The following BMPR1B variants were observed in gnomAD, a reference collection of about 807,000 sequenced individuals.
BMPR1B encodes bone morphogenetic protein receptor type 1B.
BMPR1B carries 12 observed loss-of-function variants against 59.1 expected under a neutral mutation model. That is an observed-to-expected ratio of 0.20 (90% CI 0.13 to 0.33). BMPR1B has a LOEUF of 0.33. Among genes scored for constraint, BMPR1B ranks in the 10% least tolerant of loss-of-function variants. The pLI is 1.00. For synonymous variants in BMPR1B, 237 were observed against 207.3 expected, an observed-to-expected ratio of 1.14 and a Z score of -1.23; for missense variants, 550 against 610.9, an observed-to-expected ratio of 0.90 and a Z score of 1.05.
In BMPR1B at chr4:94,823,426, G is replaced by T. The variant is rs1724273353; in HGVS notation, c.-182-52405G>T. ...GGATATGTATGAGTTATGAGAAAAG[G>T]CTGGGGGCAAAGCTGGTGTTCGGAT... On this transcript the variant is annotated intron_variant, in intron 1 of 12. Coordinates refer to ENST00000515059, the MANE Select transcript of BMPR1B (RefSeq NM_001203.3). Among the ~76,000 whole-genome samples the T allele has an allele frequency of 1.3e-5, 2 of 152,168 alleles. 1 individual carries two copies. The highest frequency in any genetic ancestry group is 2.9e-5 in the Non-Finnish European group (2 of 68,018).
At chr4:95,090,870 A>G (rs1184516504) in intron 3 of BMPR1B, among the ~76,000 whole-genome samples, 2 of 152,088 alleles carry the variant, frequency 1.3e-5, no homozygotes, top group African/African-American at 2.4e-5. Flanking sequence ...GTCAAATGAT[A>G]TGGTAGATTT....
At chr4:95,108,075 TA>T (rs1258119158) in intron 4 of BMPR1B, among the ~76,000 whole-genome samples, 3 of 152,174 alleles carry the variant, frequency 2.0e-5, no homozygotes, top group South Asian at 2.1e-4. Context: ...TAAATTATAA[TA>T]AAAAAATTCT....
intron 3 of BMPR1B, among the ~76,000 whole-genome samples, chr4:95,031,729 A>C (rs890858016): frequency 6.6e-6 from 1 of 152,152 alleles, no homozygotes; most frequent in Non-Finnish European, 1.5e-5. Context: ...GGTATCCTGG[A>C]AATCCAGGTT....
intron 2 of BMPR1B, among the ~76,000 whole-genome samples, chr4:94,978,382 C>T (rs758185620): frequency 6.6e-5 from 10 of 152,200 alleles, no homozygotes; most frequent in Admixed American, 2.6e-4. Flanking sequence ...CAGTGACAGG[C>T]TGAATCAGCT....
intron 2 of BMPR1B, among the ~76,000 whole-genome samples, chr4:94,970,017 T>A (rs1022503511): frequency 7.2e-5 from 11 of 152,238 alleles, no homozygotes; most frequent in Admixed American, 1.3e-4. Context: ...TATTTACTAT[T>A]CTTCAGAGTT....
At chr4:94,937,343 T>G (rs2149040233) in intron 2 of BMPR1B, among the ~76,000 whole-genome samples, 1 of 152,296 alleles carries the variant, frequency 6.6e-6, no homozygotes, top group Non-Finnish European at 1.5e-5. Context: ...TGAATACATC[T>G]CCATTTTGAT....
intron 2 of BMPR1B, among the ~76,000 whole-genome samples, chr4:94,940,959 T>C (rs1329504627): frequency 6.6e-6 from 1 of 152,124 alleles, no homozygotes; most frequent in Non-Finnish European, 1.5e-5. Flanking sequence ...TGAAGGACAT[T>C]CTTCTTGGTG....
intron 3 of BMPR1B, among the ~76,000 whole-genome samples, chr4:95,017,151 C>T (rs1027397462): frequency 1.3e-5 from 2 of 152,154 alleles, no homozygotes; most frequent in African/African-American, 4.8e-5. Context: ...AGAAGATGCC[C>T]AAGTGAGGAA....
At chr4:95,006,176 C>T (rs751052662) in intron 3 of BMPR1B, among the ~76,000 whole-genome samples, 17 of 151,972 alleles carry the variant, frequency 1.1e-4, no homozygotes, top group Non-Finnish European at 1.5e-4. Context: ...GAGGCTGAGG[C>T]GGGAGTATCC....
At chr4:94,798,380 G>C (rs1723275353) in intron 1 of BMPR1B, among the ~76,000 whole-genome samples, 1 of 152,220 alleles carries the variant, frequency 6.6e-6, no homozygotes, top group African/African-American at 2.4e-5. Context: ...GTGTCCCACA[G>C]CTCTCAAAGA....
chr4:94,970,314 C>T (rs1730737209), intron 2 of BMPR1B, among the ~76,000 whole-genome samples: 1 of 142,242 alleles, frequency 7.0e-6, no homozygotes, highest in Non-Finnish European at 1.5e-5. Context: ...CTTTCTCTCT[C>T]TCTTTCTCTC....
Position 95,104,455 on chromosome 4 carries a change from G to A in BMPR1B, c.31G>A (p.Val11Met). ...TTTGCGAAGTGCAGGAAAATTAAAT[G>A]TGGGCACCAAGAAAGAGGATGGTGA... is the stretch of plus-strand genomic sequence containing the variant. MLLRSAGKLN[V>M]GTKKEDGEST... Residue 11 changes from valine (V) to methionine (M), a missense_variant, in exon 4 of 13, where the codon GTG (valine) becomes ATG (methionine). Val to Met is a conservative substitution (Grantham distance 21). Transcript: ENST00000515059. 6.2e-7 allele frequency: 1 copy of A among 1,613,388 alleles called. No homozygotes were observed. Among genetic ancestry groups the A allele is most frequent in the Non-Finnish European group, 8.5e-7 (1 of 1,179,608 alleles).
chr4:94,947,965 A>G (rs1368055247), intron 2 of BMPR1B, among the ~76,000 whole-genome samples: 2 of 152,324 alleles, frequency 1.3e-5, no homozygotes, highest in South Asian at 4.1e-4. Flanking sequence ...CACTAGCTAC[A>G]ATTCATTGAC....
chr4:94,902,271 G>C (rs868366549), intron 2 of BMPR1B, among the ~76,000 whole-genome samples: 3,145 of 142,474 alleles, frequency 0.022, 30 homozygotes, highest in African/African-American at 0.026. Flanking sequence ...GAGAGAGAGA[G>C]AGAGAGAGAG....
chr4:94,948,474 G>A (rs540300164), intron 2 of BMPR1B, among the ~76,000 whole-genome samples: 3 of 152,080 alleles, frequency 2.0e-5, no homozygotes, highest in Non-Finnish European at 4.4e-5. Flanking sequence ...GTATTTTTGC[G>A]GGAAAACAAA....
At chr4:95,119,094 T>A (rs1430658155) in intron 6 of BMPR1B, among the ~76,000 whole-genome samples, 2 of 152,212 alleles carry the variant, frequency 1.3e-5, no homozygotes, top group Non-Finnish European at 2.9e-5. Context: ...TAAAATTATA[T>A]CATTGGAATG....
At chr4:94,978,419 C>A (rs1045369810) in intron 2 of BMPR1B, among the ~76,000 whole-genome samples, 5 of 152,102 alleles carry the variant, frequency 3.3e-5, no homozygotes, top group African/African-American at 1.2e-4. Flanking sequence ...TCTCTTTATT[C>A]GTGTAGTTTC....
At chr4:95,018,281 G>A (rs1431640698) in intron 3 of BMPR1B, among the ~76,000 whole-genome samples, 2 of 152,164 alleles carry the variant, frequency 1.3e-5, no homozygotes, top group Non-Finnish European at 2.9e-5. Context: ...CAACAGAGAA[G>A]TTTTGGATTG....
intron 2 of BMPR1B, among the ~76,000 whole-genome samples, chr4:94,975,797 TC>T (rs1459606058): frequency 6.6e-6 from 1 of 152,250 alleles, no homozygotes; most frequent in African/African-American, 2.4e-5. Flanking sequence ...GTTTTACCTT[TC>T]TTTCTAAATT....
Sources: allele counts gnomAD v4.1 joint callset (sites outside exome capture counted in the v4.1 genomes callset), GRCh38; gene constraint gnomAD v4.1.1; transcripts MANE v1.5; gene names NCBI Gene and HGNC (gene_info 2026-07-23, HGNC 2026-07-21).